The following NIBAN3 variants were observed in gnomAD, a reference collection of about 807,000 sequenced individuals.
The protein encoded by NIBAN3 is protein Niban 3.
Under a neutral mutation model 76.4 loss-of-function variants are expected in NIBAN3, and 66 were observed. The ratio of observed to expected loss-of-function variants is 0.86; its 90% CI spans 0.71 to 1.06. The LOEUF (loss-of-function observed/expected upper bound fraction) is 1.06, where lower values mean the gene tolerates loss of function less well. Ranked by LOEUF, NIBAN3 falls within the 50% of genes least tolerant of loss-of-function variation. The pLI, the probability that NIBAN3 is intolerant of heterozygous loss-of-function variation, is 0.00. For synonymous variants in NIBAN3, 360 were observed against 355.2 expected (o/e 1.01, Z -0.15); for missense variants, 808 against 810.7 (o/e 1.00, Z 0.04).
At chr19:17,550,641 G>A (rs533100325) in intron 14 of NIBAN3, among the ~76,000 whole-genome samples, 62 of 152,158 alleles carry the variant, frequency 4.1e-4, no homozygotes, top group African/African-American at 1.3e-3. Flanking sequence ...CCTCTAGCCC[G>A]GGCCACAGAG....
chr19:17,545,503 C>T (rs887346807), intron 12 of NIBAN3: 12 of 183,018 alleles, frequency 6.6e-5, no homozygotes, highest in Non-Finnish European at 1.1e-4. Context: ...CGGTAGTGGC[C>T]CCGAATGTCT....
chr19:17,539,281 G>C lies in NIBAN3; in HGVS notation c.711+16G>C. ...AGACGCCGAGGTTAGTGCCCCGCGA[G>C]GCCGCACCCGGGACCCCCAGGACCC... On this transcript the variant is annotated intron_variant, in intron 6 of 14. Transcript: ENST00000599164. The C allele has an allele frequency of 6.3e-7, 1 of 1,579,904 alleles. No individual in the cohort carries two copies. The highest frequency in any genetic ancestry group is 1.3e-5 in the African/African-American group (1 of 74,234).
chr19:17,550,895 G>A (rs1404458298), intron 14 of NIBAN3, among the ~76,000 whole-genome samples: 1 of 110,426 alleles, frequency 9.1e-6, no homozygotes, highest in African/African-American at 3.4e-5. Flanking sequence ...GGCAAATCCC[G>A]CAATGGGAAC....
intron 2 of NIBAN3, among the ~76,000 whole-genome samples, chr19:17,531,835 A>T (rs993257409): frequency 6.6e-6 from 1 of 152,124 alleles, no homozygotes; most frequent in Admixed American, 6.6e-5. Flanking sequence ...GCCTCCAGAC[A>T]TCTCTGGAGC....
chr19:17,523,734 C>T (rs767685428), upstream of NIBAN3, among the ~76,000 whole-genome samples: 9 of 152,194 alleles, frequency 5.9e-5, no homozygotes, highest in Non-Finnish European at 1.2e-4. Flanking sequence ...TCCCTCTCCC[C>T]AGCAACATCA....
intron 1 of NIBAN3, among the ~76,000 whole-genome samples, chr19:17,528,088 GTTTT>G (rs1300978786): frequency 6.7e-6 from 1 of 149,936 alleles, no homozygotes; most frequent in African/African-American, 2.4e-5. Context: ...TTTTTTGTTT[GTTTT>G]GTTTTGTTTT....
chr19:17,547,356 T>TTTC (rs2076076389), intron 13 of NIBAN3, among the ~76,000 whole-genome samples: 1 of 108,064 alleles, frequency 9.3e-6, no homozygotes, highest in African/African-American at 3.4e-5. Flanking sequence ...ATGTCTTTTT[T>TTTC]TTTTTTTTTT....
At position 17,531,986 on chromosome 19, in the gene NIBAN3, G is replaced by A. The variant is rs191130120; in HGVS notation, c.187-277G>A. On this transcript the variant is annotated intron_variant, in intron 2 of 14. Coordinates refer to ENST00000599164, the MANE Select transcript of NIBAN3 (RefSeq NM_001321827.2). ...CTACAGAGGTGTGATTTCAACCTGG[G>A]ATCCACGCTTATTACTAATGCTTGG... Among the ~76,000 whole-genome samples the A allele has an allele frequency of 2.9e-3, 436 of 152,246 alleles. 4 individuals carry two copies. Among genetic ancestry groups the A allele is most frequent in the Non-Finnish European group, 3.9e-3 (262 of 68,022 alleles).
rs1197143125 is a variant in NIBAN3, at chr19:17,549,857, C to G, written c.1750+330C>G. ...TTTTTTTTTGAGACAGAGTCTAGAT[C>G]TGTTGCCCAGGCTGGAATGCATAAT... is the stretch of plus-strand genomic sequence containing the variant. On this transcript the variant is annotated intron_variant, in intron 14 of 14. Transcript: ENST00000599164. 2.0e-5 allele frequency: 10 copies of G among 504,454 alleles called. No individual in the cohort carries two copies. In the South Asian group the frequency reaches 3.3e-4, roughly 17 times the overall value. The allele number at this position is 504,454 out of a possible 1,614,324, so 31.2% of individuals were successfully genotyped here. A position where few individuals can be genotyped will look rare whatever the true frequency, so the allele number is the denominator to read the frequency against.
intron 4 of NIBAN3, among the ~76,000 whole-genome samples, chr19:17,536,767 G>A (rs776859200): frequency 2.0e-5 from 3 of 152,010 alleles, no homozygotes; most frequent in African/African-American, 2.4e-5. Context: ...CTAGGTCATC[G>A]GTATCACTGT....
rs1054129259 is a variant in NIBAN3, at chr19:17,542,901, A to G, written c.1330-416A>G. Reference sequence around the variant, plus strand: ...TGGGGGATGTCAGTGGGGAGAAGCAATAAGTGTTTTGAAGTCTGAGATGGG... The same window carrying G: ...TGGGGGATGTCAGTGGGGAGAAGCAGTAAGTGTTTTGAAGTCTGAGATGGG... On this transcript the variant is annotated intron_variant, in intron 10 of 14. Coordinates refer to ENST00000599164, the MANE Select transcript of NIBAN3 (RefSeq NM_001321827.2). The surrounding 1 kb of genome is among the most constrained non-coding windows in gnomAD (Gnocchi z 4.8). Among the ~76,000 whole-genome samples the G allele has an allele frequency of 6.6e-6, 1 of 152,084 alleles. No homozygotes were observed. The highest frequency in any genetic ancestry group is 2.4e-5 in the African/African-American group (1 of 41,420).
In NIBAN3 at chr19:17,533,626, C is replaced by A. The variant is rs2075771881; in HGVS notation, c.352C>A (p.Leu118Met). The change falls in exon 4 of 15, where the codon CTG becomes ATG. Residue 118 changes from leucine to methionine, a missense_variant. Transcript: ENST00000599164. The stretch of plus-strand genomic sequence containing the variant: ...GGGCCACTGCCTTGGCTCAACAGCC[C>A]TGACAGGATACACGCTCCTGACTTC... ...NGGHCLGSTA[L>M]TGYTLLTSQR... 2 of 1,614,148 alleles carry A rather than the reference C, an allele frequency of 1.2e-6. No homozygotes were observed. The highest frequency in any genetic ancestry group is 4.5e-5 in the East Asian group (2 of 44,896).
intron 1 of NIBAN3, among the ~76,000 whole-genome samples, chr19:17,528,293 T>C (rs941009522): frequency 3.9e-5 from 6 of 152,030 alleles, no homozygotes; most frequent in African/African-American, 1.2e-4. Context: ...GGTTTCACCA[T>C]TTTGGCCAGG....
chr19:17,527,146 G>A, upstream of NIBAN3: 1 of 1,449,132 alleles, frequency 6.9e-7, no homozygotes, highest in Non-Finnish European at 9.3e-7. Context: ...AGCCTCTACA[G>A]AAACCACTGG....
rs772477270 is a variant in NIBAN3, at chr19:17,542,214, C to T, written c.1249C>T (p.Arg417Cys). 13 of 1,613,928 alleles carry T rather than the reference C, an allele frequency of 8.1e-6. No homozygotes were observed. The highest frequency in any genetic ancestry group is 2.2e-5 in the East Asian group (1 of 44,888). Residue 417 changes from arginine to cysteine, a missense_variant, in exon 10 of 15, where the codon CGC becomes TGC. Transcript: ENST00000599164. This position sits in a 1 kb window ranked among gnomAD's most constrained non-coding sequence, Gnocchi z 4.8. ...CCGTGAGGCCGAGCGGAGCCGGGGG[C>T]GCTTGGGGCAGCTGGCAGCACCGTT... The part of the protein sequence containing the change: ...CYREAERSRG[R>C]LGQLAAPFGF...
At chr19:17,549,596 G>C in intron 14 of NIBAN3, 69 bp downstream of exon 14, 1 of 1,171,454 alleles carries the variant, frequency 8.5e-7, no homozygotes, top group South Asian at 1.2e-5. Context: ...AGGCCCACAT[G>C]GGGTGTATGG....
chr19:17,547,347 TGTC>T (rs2076075714), intron 13 of NIBAN3, among the ~76,000 whole-genome samples: 2 of 75,338 alleles, frequency 2.7e-5, no homozygotes, highest in African/African-American at 8.5e-5. Context: ...AACGAGACTA[TGTC>T]TTTTTTTTTT....
chr19:17,552,913 A>AAAT lies in NIBAN3; in HGVS notation c.*1017_*1018insTAA, dbSNP rs2076177503. The AAAT allele has an allele frequency of 1.4e-5, 2 of 144,896 alleles. No homozygotes were observed. The highest frequency in any genetic ancestry group is 4.1e-4 in the East Asian group (2 of 4,840). 9.0% of individuals were successfully genotyped at this position (144,896 alleles called of 1,614,324 possible). On this transcript the variant is annotated 3_prime_UTR_variant, in exon 15 of 15. Coordinates refer to ENST00000599164, the MANE Select transcript of NIBAN3 (RefSeq NM_001321827.2). ...GTGAAACCTGTCTCTACTAAAAAATAAAATAAATAAATAAATAAATAAATA... is the reference window on the plus strand; with the variant it reads ...GTGAAACCTGTCTCTACTAAAAAATAAATAAATAAATAAATAAATAAATAAATA...
Position 17,539,457 on chromosome 19 carries a change from C to G in NIBAN3, c.816+6C>G. 6.8e-7 allele frequency: 1 copy of G among 1,467,612 alleles called. No homozygotes were observed. Among genetic ancestry groups the G allele is most frequent in the South Asian group, 1.4e-5 (1 of 72,606 alleles). 90.9% of individuals were successfully genotyped at this position (1,467,612 alleles called of 1,614,324 possible). ...GCGCCTGGGCCTGGACCGAGGTATG[C>G]ACGGCGTCCGGATCCGGGATAGGGG... is the stretch of plus-strand genomic sequence containing the variant. On this transcript the variant is annotated splice_donor_region_variant and intron_variant, in intron 7 of 14. Coordinates refer to ENST00000599164, the MANE Select transcript of NIBAN3 (RefSeq NM_001321827.2).
Sources: gnomAD v4.1 joint callset for allele counts (sites outside exome capture counted in the v4.1 genomes callset) on GRCh38, gnomAD v4.1.1 for gene constraint, Gnocchi (gnomAD v3.1) non-coding constraint, MANE v1.5 for transcripts, NCBI Gene and HGNC (gene_info 2026-07-23, HGNC 2026-07-21) for gene names.